KLF8: variants seen among roughly 807,000 people sequenced by gnomAD.
The protein encoded by KLF8 is Krueppel-like factor 8.
A neutral mutation model predicts 18.2 loss-of-function variants in KLF8; 10 were observed. That is an observed-to-expected ratio of 0.55 (90% CI 0.34 to 0.93). KLF8 has a LOEUF of 0.93. KLF8 is among the 40% of genes least tolerant of loss of function. The pLI, the probability that KLF8 is intolerant of heterozygous loss-of-function variation, is 0.02. For missense variants in KLF8, 264 were observed against 277.9 expected (o/e 0.95, Z 0.36); for synonymous variants, 109 against 97.3 (o/e 1.12, Z -0.71).
the KLF8 span, among the ~76,000 whole-genome samples, chrX:56,209,443 C>A: frequency 2.7e-5 from 3 of 110,386 alleles, no homozygotes; most frequent in Non-Finnish European, 5.7e-5. Flanking sequence ...GAGTTTAGTC[C>A]ATTTACATTC....
chrX:56,197,060 C>T, the KLF8 span, among the ~76,000 whole-genome samples: 1 of 111,591 alleles, frequency 9.0e-6, no homozygotes, highest in African/African-American at 3.3e-5. Flanking sequence ...AACAAAGACA[C>T]AATGTACCAG....
the KLF8 span, among the ~76,000 whole-genome samples, chrX:56,045,979 G>A: frequency 9.0e-6 from 1 of 111,552 alleles, no homozygotes; most frequent in Non-Finnish European, 1.9e-5. Flanking sequence ...GTTGGCTGTG[G>A]GTTTGTCAAA....
the KLF8 span, among the ~76,000 whole-genome samples, chrX:55,989,456 A>T: frequency 8.9e-6 from 1 of 112,352 alleles, no homozygotes; most frequent in Non-Finnish European, 1.9e-5. Flanking sequence ...ATCTATTGAG[A>T]TAGTCATGTG....
At chrX:56,126,327 C>T in the KLF8 span, among the ~76,000 whole-genome samples, 455 of 112,134 alleles carry the variant, frequency 4.1e-3, 2 homozygotes, top group Non-Finnish European at 7.0e-3. Flanking sequence ...CTAATCACTT[C>T]TGTTCACCTC....
At chrX:56,077,782 T>A in the KLF8 span, among the ~76,000 whole-genome samples, 5 of 111,782 alleles carry the variant, frequency 4.5e-5, no homozygotes, top group Non-Finnish European at 9.4e-5. Flanking sequence ...GAACATGGAA[T>A]GTTCTTCCAT....
At chrX:56,107,817 A>G in the KLF8 span, among the ~76,000 whole-genome samples, 2 of 111,489 alleles carry the variant, frequency 1.8e-5, no homozygotes, top group South Asian at 7.6e-4. Context: ...TCATGCTGGG[A>G]GCTGCAGACC....
chrX:55,991,113 G>A, the KLF8 span, among the ~76,000 whole-genome samples: 1 of 112,213 alleles, frequency 8.9e-6, no homozygotes, highest in East Asian at 2.8e-4. Context: ...TTCTACAGAG[G>A]CAGGCAGGCA....
the KLF8 span, among the ~76,000 whole-genome samples, chrX:55,910,086 C>T: frequency 8.9e-6 from 1 of 112,089 alleles, no homozygotes; most frequent in African/African-American, 3.2e-5. Context: ...CAATGGAATG[C>T]CACAGTTCCC....
the KLF8 span, among the ~76,000 whole-genome samples, chrX:56,181,685 G>C: frequency 1.8e-5 from 2 of 110,899 alleles, no homozygotes; most frequent in African/African-American, 6.6e-5. Flanking sequence ...CGGCATTTGC[G>C]TGTCTGTAAA....
chrX:56,141,292 T>G, the KLF8 span, among the ~76,000 whole-genome samples: 2 of 111,945 alleles, frequency 1.8e-5, no homozygotes, highest in African/African-American at 6.5e-5. Context: ...TTAATTAAAG[T>G]TAAGACTCAG....
chrX:56,271,197 G>T (rs761994187), intron 5 of KLF8, among the ~76,000 whole-genome samples: 2 of 110,836 alleles, frequency 1.8e-5, no homozygotes, highest in African/African-American at 6.6e-5. Context: ...TTATCCACCC[G>T]ATGGGTGGGG....
the KLF8 span, among the ~76,000 whole-genome samples, chrX:56,122,095 C>A: frequency 9.0e-6 from 1 of 111,551 alleles, no homozygotes; most frequent in Non-Finnish European, 1.9e-5. Flanking sequence ...GAAACACTCA[C>A]TAGGACATTA....
At chrX:56,047,972 A>T in the KLF8 span, among the ~76,000 whole-genome samples, 43 of 111,787 alleles carry the variant, frequency 3.8e-4, no homozygotes, top group African/African-American at 1.3e-3. Context: ...CTGGTGTGAG[A>T]TGGTATCTCA....
the KLF8 span, among the ~76,000 whole-genome samples, chrX:55,945,942 C>T: frequency 2.3e-4 from 26 of 110,854 alleles, no homozygotes; most frequent in Admixed American, 9.6e-4. Context: ...TGTGAAGGAC[C>T]TCTTCAAGGA....
chrX:55,945,826 G>A, the KLF8 span, among the ~76,000 whole-genome samples: 4 of 110,838 alleles, frequency 3.6e-5, no homozygotes, highest in Non-Finnish European at 5.7e-5. Flanking sequence ...AAAATCACAA[G>A]CATTCTTATA....
At chrX:55,992,931 T>G in the KLF8 span, among the ~76,000 whole-genome samples, 1 of 111,691 alleles carries the variant, frequency 9.0e-6, no homozygotes, top group Non-Finnish European at 1.9e-5. Flanking sequence ...ATGCTACTGA[T>G]TTTTGTACAT....
the KLF8 span, among the ~76,000 whole-genome samples, chrX:55,988,203 T>A: frequency 2.7e-5 from 3 of 111,554 alleles, no homozygotes; most frequent in Admixed American, 2.8e-4. Flanking sequence ...CTCTTTAGTT[T>A]AATTAGATCC....
chrX:55,964,677 C>T, the KLF8 span, among the ~76,000 whole-genome samples: 3 of 111,488 alleles, frequency 2.7e-5, no homozygotes, highest in African/African-American at 9.8e-5. Context: ...AAATGAATAA[C>T]AGAGGAAAGA....
the KLF8 span, among the ~76,000 whole-genome samples, chrX:56,157,922 T>C: frequency 8.0e-5 from 9 of 112,048 alleles, no homozygotes; most frequent in Non-Finnish European, 1.3e-4. Flanking sequence ...ATTTTGTCTT[T>C]TGTTGCCATT....
Sources: gnomAD v4.1 joint callset for allele counts (sites outside exome capture counted in the v4.1 genomes callset) on GRCh38, gnomAD v4.1.1 for gene constraint, MANE v1.5 for transcripts, NCBI Gene and HGNC (gene_info 2026-07-23, HGNC 2026-07-21) for gene names.